Variants in PICALM observed in about 807,000 individuals in gnomAD.
The protein encoded by PICALM is phosphatidylinositol binding clathrin assembly protein.
PICALM carries 40 observed loss-of-function variants against 80.5 expected under a neutral mutation model. The ratio of observed to expected loss-of-function variants is 0.50; its 90% CI spans 0.39 to 0.65. The LOEUF is 0.65. PICALM is among the 30% of genes least tolerant of loss of function. The pLI is 0.00. For synonymous variants in PICALM, 288 were observed against 260.3 expected (o/e 1.11, Z -1.02); for missense variants, 676 against 778.9 (o/e 0.87, Z 1.57).
chr11:85,974,028 C>A (rs72951246), intron 19 of PICALM, among the ~76,000 whole-genome samples: 9,846 of 151,788 alleles, frequency 0.065, 419 homozygotes, highest in Middle Eastern at 0.13. Flanking sequence ...TATCTTCTAA[C>A]CGTAACGGGT....
At chr11:86,003,567 ATTAACAGTG>A in intron 8 of PICALM, 116 bp from the exon 9 acceptor site, 1 of 490,782 alleles carries the variant, frequency 2.0e-6, no homozygotes, top group Non-Finnish European at 3.5e-6. Flanking sequence ...TCATGTACTA[ATTAACAGTG>A]GAGTTTTAGC....
In PICALM at chr11:85,965,807, GTTTTTTTGTTTTTTTT is replaced by G. The variant is rs773519239; in HGVS notation, c.1945-6763_1945-6748del. 4.7e-4 allele frequency among the ~76,000 whole-genome samples: 37 copies of G among 79,262 alleles called. No homozygotes were observed. In the East Asian group the frequency reaches 5.8e-3, roughly 13 times the overall value. 52.0% of individuals were successfully genotyped at this position (79,262 alleles called of 152,430 possible). A position where few individuals can be genotyped will look rare whatever the true frequency, so the allele number is the denominator to read the frequency against. ...TCACCTTGAATGCATTACCCATTTT[GTTTTTTTGTTTTTTTT>G]TTTTTTTTTTTTTTTGAGACAGACT... On this transcript the variant is annotated intron_variant, in intron 19 of 19. Coordinates refer to ENST00000393346, the MANE Select transcript of PICALM (RefSeq NM_007166.4).
chr11:86,003,884 G>A (rs1162211042), intron 8 of PICALM: 1 of 152,804 alleles, frequency 6.5e-6, no homozygotes, highest in African/African-American at 2.4e-5. Flanking sequence ...AAATGAAAAT[G>A]AAAATCACAA....
intron 18 of PICALM, among the ~76,000 whole-genome samples, chr11:85,975,731 G>C (rs1023331541): frequency 2.0e-5 from 3 of 151,496 alleles, no homozygotes; most frequent in African/African-American, 4.9e-5. Flanking sequence ...CAAGTAGCTG[G>C]AATTACAGGT....
intron 1 of PICALM, among the ~76,000 whole-genome samples, chr11:86,038,302 C>A (rs948169760): frequency 3.3e-5 from 5 of 151,928 alleles, no homozygotes; most frequent in African/African-American, 9.7e-5. Flanking sequence ...ACCTGGGCAA[C>A]AGAGCGAGAC....
chr11:86,008,952 C>CAAAAAAAAAAAAAAAAAAAAAAAAAAA (rs59740555), intron 7 of PICALM, among the ~76,000 whole-genome samples: 1 of 62,844 alleles, frequency 1.6e-5, no homozygotes, highest in Non-Finnish European at 3.1e-5. Flanking sequence ...AAAAAAAAGC[C>CAAAAAAAAAAAAAAAAAAAAAAAAAAA]AAAAAAAAAA....
At chr11:85,986,491 C>G (rs1433407724) in intron 13 of PICALM, among the ~76,000 whole-genome samples, 2 of 147,606 alleles carry the variant, frequency 1.4e-5, no homozygotes, top group East Asian at 4.2e-4. Flanking sequence ...CCTGGGTTCA[C>G]GCCATTCTCC....
chr11:86,000,523 C>T, intron 11 of PICALM, 120 bp downstream of exon 11: 3 of 691,390 alleles, frequency 4.3e-6, no homozygotes, highest in Non-Finnish European at 7.1e-6. Flanking sequence ...TTATCGCCAC[C>T]TCTTTGTGTG....
rs771691503 is a variant in PICALM at position 85,959,097 on chromosome 11, T to C, written c.1945-37A>G. On this transcript the variant is annotated intron_variant, in intron 19 of 19. Transcript: ENST00000393346. ...AAGTGGGTATGTTAATTCATTGTAT[T>C]GTAGGATGTCTTCTCATAAATAAAA... 3.5e-6 allele frequency: 5 copies of C among 1,444,640 alleles called. No individual in the cohort carries two copies. In the South Asian group the frequency reaches 6.0e-5, roughly 17 times the overall value. The allele number at this position is 1,444,640 out of a possible 1,614,324, so 89.5% of individuals were successfully genotyped here. A position where few individuals can be genotyped will look rare whatever the true frequency, so the allele number is the denominator to read the frequency against.
At position 85,981,738 on chromosome 11, in the gene PICALM, C is replaced by A. The variant is rs1191435489; in HGVS notation, c.1679+7G>T. On this transcript the variant is annotated splice_region_variant and intron_variant, in intron 16 of 19. Coordinates refer to ENST00000393346, the MANE Select transcript of PICALM (RefSeq NM_007166.4). The stretch of plus-strand genomic sequence containing the variant: ...CGGAGAAAACAATGTGTATATTAAA[C>A]ACTCACTTCTTAGTGGTTCCATTTC... 1 of 1,603,704 alleles carries A rather than the reference C, an allele frequency of 6.2e-7. No homozygotes were observed. Among genetic ancestry groups the A allele is most frequent in the South Asian group, 1.1e-5 (1 of 90,868 alleles).
rs928617581 is a variant in PICALM at position 86,069,062 on chromosome 11, A to G, written c.-282T>C. On this transcript the variant is annotated 5_prime_UTR_variant, in exon 1 of 20. Transcript: ENST00000393346. ...GCTGGAGCCGGGCAGGGTAAGAGGA[A>G]CAGGCAGCTGCAGGAAAATGGCGGC... is the stretch of plus-strand genomic sequence containing the variant. 6.8e-5 allele frequency: 25 copies of G among 368,650 alleles called. No individual in the cohort carries two copies. The highest frequency in any genetic ancestry group is 8.9e-5 in the Non-Finnish European group (18 of 201,132). 22.8% of individuals were successfully genotyped at this position (368,650 alleles called of 1,614,324 possible).
At chr11:85,973,990 G>C (rs1003343735) in intron 19 of PICALM, among the ~76,000 whole-genome samples, 3 of 151,878 alleles carry the variant, frequency 2.0e-5, no homozygotes, top group Non-Finnish European at 4.4e-5. Flanking sequence ...TATGCCACCA[G>C]AGAAGTGAAT....
intron 1 of PICALM, among the ~76,000 whole-genome samples, chr11:86,067,063 T>C (rs2096457992): frequency 6.6e-6 from 1 of 152,250 alleles, no homozygotes; most frequent in African/African-American, 2.4e-5. Context: ...TATTTAAAAC[T>C]TTTTTCCACA....
intron 18 of PICALM, 102 bp from the exon 19 acceptor site, chr11:85,974,914 C>T (rs780522458): frequency 2.1e-5 from 17 of 800,116 alleles, no homozygotes; most frequent in Non-Finnish European, 3.7e-5. Flanking sequence ...AGTACCTTTG[C>T]TTGACTCAAA....
intron 18 of PICALM, among the ~76,000 whole-genome samples, chr11:85,975,591 A>G (rs1592434089): frequency 1.3e-5 from 1 of 74,104 alleles, no homozygotes; most frequent in Non-Finnish European, 2.6e-5. Context: ...TTCTCAGCAG[A>G]CTTTTTTTTT....
At chr11:86,020,747 AC>A (rs2136470539) in intron 4 of PICALM, among the ~76,000 whole-genome samples, 1 of 152,356 alleles carries the variant, frequency 6.6e-6, no homozygotes, top group South Asian at 2.1e-4. Flanking sequence ...ATAGATAAGA[AC>A]CTAACTATAT....
At chr11:86,015,699 TTA>T (rs1430352244) in intron 4 of PICALM, among the ~76,000 whole-genome samples, 1 of 152,188 alleles carries the variant, frequency 6.6e-6, no homozygotes, top group Non-Finnish European at 1.5e-5. Flanking sequence ...TAAGAGCTTA[TTA>T]TATATCACAC....
At chr11:85,964,777 ACACTTTAT>A (rs1406260941) in intron 19 of PICALM, among the ~76,000 whole-genome samples, 1 of 152,182 alleles carries the variant, frequency 6.6e-6, no homozygotes, top group African/African-American at 2.4e-5. Flanking sequence ...GGTGCAGGAA[ACACTTTAT>A]CTGTCCTTTG....
At chr11:86,010,351 G>C (rs1173110317) in intron 7 of PICALM, among the ~76,000 whole-genome samples, 1 of 145,986 alleles carries the variant, frequency 6.8e-6, no homozygotes, top group East Asian at 2.0e-4. Context: ...TTTTGAGATA[G>C]AGTCTTGCTC....
Sources: allele counts gnomAD v4.1 joint callset (sites outside exome capture counted in the v4.1 genomes callset), GRCh38; gene constraint gnomAD v4.1.1; transcripts MANE v1.5; gene names NCBI Gene and HGNC (gene_info 2026-07-23, HGNC 2026-07-21).